Variants in RBFOX3 observed in about 807,000 individuals in gnomAD.
RBFOX3 encodes the protein RNA binding protein fox-1 homolog 3.
Under a neutral mutation model 48.7 loss-of-function variants are expected in RBFOX3, and 17 were observed. The observed-to-expected ratio is 0.35, with a 90% CI of 0.24 to 0.52. RBFOX3 has a LOEUF of 0.52. Among genes scored for constraint, RBFOX3 ranks in the 20% least tolerant of loss-of-function variants. The pLI is 0.94. For synonymous variants in RBFOX3, 212 were observed against 209.5 expected, an observed-to-expected ratio of 1.01 and a Z score of -0.10; for missense variants, 382 against 497.5, an observed-to-expected ratio of 0.77 and a Z score of 2.21.
At chr17:79,426,112 CA>C (rs1417453094) in intron 2 of RBFOX3, among the ~76,000 whole-genome samples, 3 of 152,002 alleles carry the variant, frequency 2.0e-5, no homozygotes, top group Non-Finnish European at 4.4e-5. Flanking sequence ...AAGAGTGAGT[CA>C]GGGGGCATGG....
intron 4 of RBFOX3, among the ~76,000 whole-genome samples, chr17:79,192,553 G>A (rs1009825686): frequency 6.6e-6 from 1 of 152,200 alleles, no homozygotes; most frequent in African/African-American, 2.4e-5. Flanking sequence ...AACCCTCCCA[G>A]CTTGGAGGCA....
chr17:79,545,715 G>A (rs782495963), intron 1 of RBFOX3, among the ~76,000 whole-genome samples: 22 of 152,352 alleles, frequency 1.4e-4, no homozygotes, highest in Middle Eastern at 6.8e-3. Flanking sequence ...TCCCAGCTGA[G>A]ACTGCAGTTC....
chr17:79,165,998 C>A (rs1007369893), intron 4 of RBFOX3, among the ~76,000 whole-genome samples: 4 of 152,242 alleles, frequency 2.6e-5, no homozygotes, highest in Non-Finnish European at 4.4e-5. Context: ...GATGTGTCCA[C>A]AGGCCCCGGG....
At chr17:79,097,218 G>T in intron 11 of RBFOX3, 74 bp downstream of exon 11, 1 of 1,250,676 alleles carries the variant, frequency 8.0e-7, no homozygotes, top group Non-Finnish European at 1.1e-6. Context: ...CTCGCACTGC[G>T]CAGGGCCTCC....
intron 3 of RBFOX3, among the ~76,000 whole-genome samples, chr17:79,246,638 C>T (rs1035744731): frequency 9.9e-5 from 15 of 152,224 alleles, no homozygotes; most frequent in Admixed American, 5.9e-4. Context: ...GCCAGCCTGC[C>T]TATGTTCACA....
the RBFOX3 span, among the ~76,000 whole-genome samples, chr17:79,635,307 A>G: frequency 6.6e-6 from 1 of 152,112 alleles, no homozygotes. Flanking sequence ...ACCTGGAACC[A>G]TCTGCTCAAA....
intron 3 of RBFOX3, among the ~76,000 whole-genome samples, chr17:79,270,457 C>G (rs1350870870): frequency 6.6e-6 from 1 of 152,234 alleles, no homozygotes; most frequent in African/African-American, 2.4e-5. Context: ...AAGCCAAACA[C>G]CTGTGACCCA....
At chr17:79,545,314 C>A (rs1012586744) in intron 1 of RBFOX3, among the ~76,000 whole-genome samples, 2 of 152,174 alleles carry the variant, frequency 1.3e-5, no homozygotes, top group African/African-American at 2.4e-5. Context: ...AAGGAAGGGG[C>A]CAGCCGTGTT....
intron 4 of RBFOX3, among the ~76,000 whole-genome samples, chr17:79,147,490 T>C (rs1480294797): frequency 2.6e-5 from 4 of 152,148 alleles, no homozygotes; most frequent in African/African-American, 9.7e-5. Context: ...AGAAGAGGCC[T>C]GGGGAGTTCC....
At position 79,423,306 on chromosome 17, in the gene RBFOX3, C is replaced by T. The variant is rs529208802; in HGVS notation, c.-175+59148G>A. The stretch of plus-strand genomic sequence containing the variant: ...TTGACCGTCCTCGCCACGCCCCCAT[C>T]GACCAGGATGCCAGGAGCCAGGATG... On this transcript the variant is annotated intron_variant, in intron 2 of 14. Coordinates refer to ENST00000693108, the MANE Select transcript of RBFOX3 (RefSeq NM_001350451.2). The surrounding 1 kb of genome is among the most constrained non-coding windows in gnomAD (Gnocchi z 4.9). Among the ~76,000 whole-genome samples, 8 of 152,334 alleles carry T rather than the reference C, an allele frequency of 5.3e-5. No homozygotes were observed. The highest frequency in any genetic ancestry group is 1.9e-4 in the East Asian group (1 of 5,180).
chr17:79,592,345 A>T (rs1168576927), intron 1 of RBFOX3, among the ~76,000 whole-genome samples: 4 of 151,088 alleles, frequency 2.6e-5, no homozygotes, highest in South Asian at 4.2e-4. Context: ...GAACATGTGC[A>T]TATGTAAATG....
intron 4 of RBFOX3, among the ~76,000 whole-genome samples, chr17:79,124,622 A>G (rs988811745): frequency 1.3e-5 from 2 of 150,706 alleles, no homozygotes; most frequent in African/African-American, 4.9e-5. Context: ...GAGGGATGGC[A>G]CCAGCTCGGG....
intron 4 of RBFOX3, among the ~76,000 whole-genome samples, chr17:79,145,708 G>A (rs529696178): frequency 2.3e-4 from 35 of 152,336 alleles, no homozygotes; most frequent in Middle Eastern, 3.4e-3. Flanking sequence ...CAGGCAAGGC[G>A]TTCGGCAAAG....
At chr17:79,639,693 T>G in the RBFOX3 span, among the ~76,000 whole-genome samples, 2 of 152,152 alleles carry the variant, frequency 1.3e-5, no homozygotes, top group Non-Finnish European at 2.9e-5. Flanking sequence ...TCAACATACA[T>G]AAATCAATGT....
intron 4 of RBFOX3, among the ~76,000 whole-genome samples, chr17:79,120,637 A>T (rs12948772): frequency 6.8e-6 from 1 of 146,074 alleles, no homozygotes; most frequent in South Asian, 2.2e-4. Flanking sequence ...GTGGATGAAA[A>T]ATTGGTGGGT....
chr17:79,617,147 C>T, the RBFOX3 span, among the ~76,000 whole-genome samples: 1 of 152,192 alleles, frequency 6.6e-6, no homozygotes, highest in Non-Finnish European at 1.5e-5. Flanking sequence ...GAGCAGCTTT[C>T]TCCCTGCACG....
chr17:79,169,413 C>T (rs1447940426), intron 4 of RBFOX3, among the ~76,000 whole-genome samples: 4 of 152,120 alleles, frequency 2.6e-5, no homozygotes, highest in Admixed American at 1.3e-4. Context: ...TCACCCACTG[C>T]GGGCAGGACA....
chr17:79,097,484 C>G (rs1202169015), intron 10 of RBFOX3, 60 bp from the exon 11 acceptor site: 1 of 1,472,996 alleles, frequency 6.8e-7, no homozygotes, highest in Middle Eastern at 2.5e-4. Context: ...CCTGGCACCC[C>G]CTCCCCGTAC....
chr17:79,242,220 G>T lies in RBFOX3; in HGVS notation c.-73-6415C>A, dbSNP rs1307306419. On this transcript the variant is annotated intron_variant, in intron 3 of 14. Coordinates refer to ENST00000693108, the MANE Select transcript of RBFOX3 (RefSeq NM_001350451.2). This position sits in a 1 kb window ranked among gnomAD's most constrained non-coding sequence, Gnocchi z 5.8. ...GCTGCTGGTGGAGGGGGTGCTACCT[G>T]AGGAGCCCCGGGGTGGGGGGCAGGC... 1.3e-5 allele frequency among the ~76,000 whole-genome samples: 2 copies of T among 152,114 alleles called. No homozygotes were observed. Among genetic ancestry groups the T allele is most frequent in the Non-Finnish European group, 2.9e-5 (2 of 68,018 alleles).
Sources: allele counts gnomAD v4.1 joint callset (sites outside exome capture counted in the v4.1 genomes callset), GRCh38; gene constraint gnomAD v4.1.1; non-coding constraint Gnocchi (gnomAD v3.1); transcripts MANE v1.5; gene names NCBI Gene and HGNC (gene_info 2026-07-23, HGNC 2026-07-21).